Variants in RCAN2 observed in about 807,000 individuals in gnomAD.
RCAN2 encodes the protein regulator of calcineurin 2, also known as calcipressin-2.
Under a neutral mutation model 23.6 loss-of-function variants are expected in RCAN2, and 9 were observed. That is an observed-to-expected ratio of 0.38 (90% CI 0.23 to 0.67). RCAN2 has a LOEUF of 0.67. RCAN2 is among the 30% of genes least tolerant of loss of function. RCAN2 has a pLI of 0.51. For missense variants in RCAN2, 273 were observed against 302.3 expected (o/e 0.90, Z 0.72); for synonymous variants, 109 against 115.7 (o/e 0.94, Z 0.37).
chr6:46,293,299 C>T (rs1762625959), intron 2 of RCAN2, among the ~76,000 whole-genome samples: 1 of 152,118 alleles, frequency 6.6e-6, no homozygotes, highest in African/African-American at 2.4e-5. Context: ...AAACTACATG[C>T]TATGATAACT....
At chr6:46,385,247 G>A (rs1765710396) in intron 2 of RCAN2, among the ~76,000 whole-genome samples, 1 of 152,188 alleles carries the variant, frequency 6.6e-6, no homozygotes, top group Non-Finnish European at 1.5e-5. Context: ...GCACAAATCT[G>A]CAAGGAGAGC....
intron 2 of RCAN2, among the ~76,000 whole-genome samples, chr6:46,290,337 T>C (rs1455682842): frequency 1.3e-5 from 2 of 152,184 alleles, no homozygotes; most frequent in Non-Finnish European, 2.9e-5. Flanking sequence ...CTATATCTTG[T>C]GTATTAAACA....
chr6:46,278,418 T>C (rs1356036675), intron 2 of RCAN2, among the ~76,000 whole-genome samples: 3 of 151,996 alleles, frequency 2.0e-5, no homozygotes, highest in African/African-American at 4.8e-5. Context: ...ACCCACACAC[T>C]TTATTCCTGA....
chr6:46,435,365 G>A (rs528649868), intron 2 of RCAN2, among the ~76,000 whole-genome samples: 2 of 152,198 alleles, frequency 1.3e-5, no homozygotes, highest in East Asian at 1.9e-4. Flanking sequence ...GATGCTTCCT[G>A]CACTATTTTC....
chr6:46,253,117 T>C (rs1269708928), intron 2 of RCAN2, among the ~76,000 whole-genome samples: 1 of 152,234 alleles, frequency 6.6e-6, no homozygotes, highest in Non-Finnish European at 1.5e-5. Context: ...CCAATTTCAA[T>C]ACAGTGTTAA....
At chr6:46,403,880 T>C (rs1267302643) in intron 2 of RCAN2, among the ~76,000 whole-genome samples, 1 of 151,804 alleles carries the variant, frequency 6.6e-6, no homozygotes, top group African/African-American at 2.4e-5. Flanking sequence ...TGAGGTGAGG[T>C]TGGATCCTCA....
At chr6:46,469,541 G>T (rs192358635) in intron 1 of RCAN2, among the ~76,000 whole-genome samples, 1 of 152,258 alleles carries the variant, frequency 6.6e-6, no homozygotes, top group East Asian at 1.9e-4. Context: ...AAACAAGTAG[G>T]AACAGCTAGG....
At chr6:46,292,761 T>C (rs1490670320) in intron 2 of RCAN2, among the ~76,000 whole-genome samples, 1 of 152,220 alleles carries the variant, frequency 6.6e-6, no homozygotes, top group Non-Finnish European at 1.5e-5. Flanking sequence ...CTGGGATACA[T>C]GTGCAGAACG....
chr6:46,298,421 A>C (rs1175217100), intron 2 of RCAN2, among the ~76,000 whole-genome samples: 1 of 152,082 alleles, frequency 6.6e-6, no homozygotes, highest in Middle Eastern at 3.2e-3. Context: ...TCACATTTTG[A>C]GAGAACTGCC....
intron 4 of RCAN2, among the ~76,000 whole-genome samples, chr6:46,228,556 G>T (rs1312149397): frequency 1.3e-5 from 2 of 152,008 alleles, no homozygotes; most frequent in African/African-American, 4.8e-5. Context: ...TTTGGTCTTT[G>T]TTGGTTTAAA....
chr6:46,381,206 A>G (rs1386476185), intron 2 of RCAN2, among the ~76,000 whole-genome samples: 1 of 152,204 alleles, frequency 6.6e-6, no homozygotes, highest in African/African-American at 2.4e-5. Flanking sequence ...GACAGATTAC[A>G]TGTTCTGCTG....
At chr6:46,228,233 G>A (rs972857643) in intron 4 of RCAN2, among the ~76,000 whole-genome samples, 5 of 152,338 alleles carry the variant, frequency 3.3e-5, no homozygotes, top group African/African-American at 9.6e-5. Flanking sequence ...ATGTGGTGCT[G>A]AGAAGAATGT....
chr6:46,357,989 T>G (rs1764893615), intron 2 of RCAN2, among the ~76,000 whole-genome samples: 1 of 152,172 alleles, frequency 6.6e-6, no homozygotes, highest in Non-Finnish European at 1.5e-5. Flanking sequence ...TAATGTGAAT[T>G]GGAAAAATCT....
At chr6:46,431,426 G>C (rs989624581) in intron 2 of RCAN2, among the ~76,000 whole-genome samples, 2 of 152,050 alleles carry the variant, frequency 1.3e-5, no homozygotes, top group African/African-American at 4.8e-5. Context: ...ACATGGCAAG[G>C]TCATTATCTA....
intron 2 of RCAN2, chr6:46,325,540 A>G (rs1763767997): frequency 6.2e-7 from 1 of 1,605,296 alleles, no homozygotes; most frequent in Non-Finnish European, 8.5e-7. Context: ...TGAAGGGAAG[A>G]GCTTCCAGAT....
intron 1 of RCAN2, among the ~76,000 whole-genome samples, chr6:46,466,921 T>A (rs1768402553): frequency 6.6e-6 from 1 of 152,212 alleles, no homozygotes; most frequent in African/African-American, 2.4e-5. Context: ...CCTCAAGCTT[T>A]CCTTAAGGTT....
intron 2 of RCAN2, among the ~76,000 whole-genome samples, chr6:46,431,341 G>A (rs576106594): frequency 2.0e-5 from 3 of 152,258 alleles, no homozygotes; most frequent in South Asian, 4.1e-4. Flanking sequence ...AAAGTGCTGG[G>A]ATTACAGGTG....
At chr6:46,433,423 A>T (rs1767274393) in intron 2 of RCAN2, among the ~76,000 whole-genome samples, 1 of 152,198 alleles carries the variant, frequency 6.6e-6, no homozygotes, top group Non-Finnish European at 1.5e-5. Context: ...AACACTGCAG[A>T]TGCGATTACA....
At chr6:46,379,424 C>T (rs1366434592) in intron 2 of RCAN2, among the ~76,000 whole-genome samples, 4 of 152,082 alleles carry the variant, frequency 2.6e-5, no homozygotes, top group African/African-American at 9.7e-5. Flanking sequence ...GTCAACAGTC[C>T]TAGGAATAGA....
Sources: allele counts gnomAD v4.1 joint callset (sites outside exome capture counted in the v4.1 genomes callset), GRCh38; gene constraint gnomAD v4.1.1; transcripts MANE v1.5; gene names NCBI Gene and HGNC (gene_info 2026-07-23, HGNC 2026-07-21).